RFX4: variants seen among roughly 807,000 people sequenced by gnomAD.
The protein encoded by RFX4 is regulatory factor X4, also known as transcription factor RFX4.
In RFX4, 10 loss-of-function variants were observed where a neutral mutation model predicts 95.0. That is an observed-to-expected ratio of 0.11 (90% CI 0.06 to 0.18). RFX4 has a LOEUF of 0.18. RFX4 is among the 10% of genes least tolerant of loss of function. The pLI is 1.00. For synonymous variants in RFX4, 321 were observed against 340.7 expected (o/e 0.94, Z 0.64); for missense variants, 640 against 922.0 (o/e 0.69, Z 3.96).
chr12:106,686,839 CTTT>C (rs56287989), intron 5 of RFX4, 42 bp from the exon 6 acceptor site: 393,778 of 1,393,484 alleles, frequency 0.28, 48,058 homozygotes, highest in African/African-American at 0.38. Context: ...GGGTCTCTCT[CTTT>C]TTTTTTTTTT....
chr12:106,734,854 A>T (rs931314481), intron 15 of RFX4, among the ~76,000 whole-genome samples: 2 of 152,100 alleles, frequency 1.3e-5, no homozygotes, highest in Non-Finnish European at 2.9e-5. Context: ...TGAAGCCAAG[A>T]GTTCGAGACC....
chr12:106,734,727 A>G (rs2042678403), intron 15 of RFX4, among the ~76,000 whole-genome samples: 1 of 152,184 alleles, frequency 6.6e-6, no homozygotes, highest in Non-Finnish European at 1.5e-5. Context: ...AAAGGAATGA[A>G]GTTAATAGGA....
chr12:106,732,173 C>T lies in RFX4; in HGVS notation c.1395C>T (p.Leu465=). 3 of 1,613,990 alleles carry T rather than the reference C, an allele frequency of 1.9e-6. No homozygotes were observed. Among genetic ancestry groups the T allele is most frequent in the Non-Finnish European group, 2.5e-6 (3 of 1,179,898 alleles). Residue 465 remains leucine, a synonymous_variant, in exon 14 of 18, where the codon CTC becomes CTT. Transcript: ENST00000392842. ...ACTTAATGTTTGATGACTACGTGCT[C>T]TACCTGTTAGAATCTCTGCACTGTC... ...LIHLMFDDYV[L]YLLESLHCQE...
chr12:106,657,143 G>C (rs1347919706), intron 4 of RFX4, among the ~76,000 whole-genome samples: 1 of 152,226 alleles, frequency 6.6e-6, no homozygotes, highest in African/African-American at 2.4e-5. Flanking sequence ...ATCTCCTTGA[G>C]AGAAAGGGAC....
chr12:106,705,267 T>C (rs2042062361), intron 8 of RFX4, among the ~76,000 whole-genome samples: 1 of 152,216 alleles, frequency 6.6e-6, no homozygotes, highest in South Asian at 2.1e-4. Flanking sequence ...GTTGCAGTTG[T>C]AACAGCATCA....
intron 2 of RFX4, among the ~76,000 whole-genome samples, chr12:106,638,155 A>G (rs2137276668): frequency 6.6e-6 from 1 of 151,936 alleles, no homozygotes; most frequent in South Asian, 2.1e-4. Context: ...TTACAGGTGC[A>G]TGCCACCACT....
intron 1 of RFX4, among the ~76,000 whole-genome samples, chr12:106,590,886 G>A (rs767968874): frequency 6.6e-6 from 1 of 152,080 alleles, no homozygotes; most frequent in Non-Finnish European, 1.5e-5. Context: ...GTTCAAGGCT[G>A]TACTGAGCTC....
chr12:106,617,518 A>C (rs538336626), intron 2 of RFX4, among the ~76,000 whole-genome samples: 4 of 152,288 alleles, frequency 2.6e-5, no homozygotes, highest in African/African-American at 9.6e-5. Context: ...TCTGTTGCTT[A>C]ATGTCCAAAC....
At chr12:106,608,209 G>A (rs575635338) in intron 1 of RFX4, among the ~76,000 whole-genome samples, 1 of 152,074 alleles carries the variant, frequency 6.6e-6, no homozygotes, top group South Asian at 2.1e-4. Context: ...AAAAAAGAGG[G>A]GCTACATAGC....
rs576081108 is a variant in RFX4 at position 106,679,564 on chromosome 12, G to A, written c.316-2429G>A. On this transcript the variant is annotated intron_variant, in intron 4 of 17. Coordinates refer to ENST00000392842, the MANE Select transcript of RFX4 (RefSeq NM_213594.3). ...ATAGGAAAATTTCTGCTTTTTCTAA[G>A]CAACTAGTATGCACTTATATTGATA... Among the ~76,000 whole-genome samples the A allele has an allele frequency of 5.3e-5, 8 of 152,184 alleles. No individual in the cohort carries two copies. The South Asian group carries it at 1.5e-3, about 28-fold the overall frequency.
At chr12:106,603,070 C>T (rs1188382112) in intron 1 of RFX4, among the ~76,000 whole-genome samples, 3 of 152,176 alleles carry the variant, frequency 2.0e-5, no homozygotes, top group Admixed American at 2.0e-4. Context: ...GTTTGAACAT[C>T]GAAGGCACTT....
intron 4 of RFX4, among the ~76,000 whole-genome samples, chr12:106,665,532 T>C (rs1251445220): frequency 6.6e-6 from 1 of 151,996 alleles, no homozygotes. Flanking sequence ...TTTGTTACTG[T>C]TTTCTATTTG....
At position 106,623,108 on chromosome 12, in the gene RFX4, G is replaced by T. The variant is rs151006530; in HGVS notation, c.130+14225G>T. On this transcript the variant is annotated intron_variant, in intron 2 of 17. Coordinates refer to ENST00000392842, the MANE Select transcript of RFX4 (RefSeq NM_213594.3). ...GGCTGGAGTGCAGTGGCATGAAATC[G>T]GCTCACTGCAAGCTCCGCCTCCCGG... Among the ~76,000 whole-genome samples, 4 of 144,834 alleles carry T rather than the reference G, an allele frequency of 2.8e-5. No individual in the cohort carries two copies. In the South Asian group the frequency reaches 8.8e-4, roughly 32 times the overall value.
chr12:106,737,872 T>C (rs533626483), intron 15 of RFX4, among the ~76,000 whole-genome samples: 12 of 152,346 alleles, frequency 7.9e-5, no homozygotes, highest in Admixed American at 7.2e-4. Context: ...CGCCTCAAAC[T>C]GTATTTTGTT....
chr12:106,729,492 A>G (rs1266009542), intron 13 of RFX4, among the ~76,000 whole-genome samples: 1 of 152,208 alleles, frequency 6.6e-6, no homozygotes, highest in Admixed American at 6.5e-5. Context: ...GCTGTAGCAC[A>G]TAACGATTGA....
intron 1 of RFX4, among the ~76,000 whole-genome samples, chr12:106,588,235 A>G (rs979993699): frequency 6.6e-6 from 1 of 152,192 alleles, no homozygotes; most frequent in African/African-American, 2.4e-5. Flanking sequence ...AACTCTTTTT[A>G]AAGGCCCAGA....
At chr12:106,629,820 G>T (rs1019222919) in intron 2 of RFX4, among the ~76,000 whole-genome samples, 91 of 152,140 alleles carry the variant, frequency 6.0e-4, no homozygotes, top group African/African-American at 2.1e-3. Context: ...GTCTCACTAT[G>T]ACCCTCCGGC....
intron 8 of RFX4, among the ~76,000 whole-genome samples, chr12:106,707,374 C>T (rs1203920044): frequency 6.6e-6 from 1 of 151,820 alleles, no homozygotes; most frequent in Non-Finnish European, 1.5e-5. Context: ...AATCTGTGGG[C>T]CTGGATAAAC....
At chr12:106,742,039 G>A (rs2042815924) in intron 15 of RFX4, among the ~76,000 whole-genome samples, 1 of 152,170 alleles carries the variant, frequency 6.6e-6, no homozygotes, top group African/African-American at 2.4e-5. Context: ...GTCCGGTACT[G>A]GCCCTGGGGT....
Sources: gnomAD v4.1 joint callset for allele counts (sites outside exome capture counted in the v4.1 genomes callset) on GRCh38, gnomAD v4.1.1 for gene constraint, MANE v1.5 for transcripts, NCBI Gene and HGNC (gene_info 2026-07-23, HGNC 2026-07-21) for gene names.